PATJ: variants seen among roughly 807,000 people sequenced by gnomAD.
PATJ encodes the protein PATJ crumbs cell polarity complex component.
A neutral mutation model predicts 224.9 loss-of-function variants in PATJ; 190 were observed. That is an observed-to-expected ratio of 0.84 (90% CI 0.75 to 0.95). The LOEUF is 0.95. Ranked by LOEUF, PATJ falls within the 40% of genes least tolerant of loss-of-function variation. PATJ has a pLI of 0.00. For synonymous variants in PATJ, 769 were observed against 820.3 expected (o/e 0.94, Z 1.07); for missense variants, 2,121 against 2,270.3 (o/e 0.93, Z 1.34).
chr1:62,088,021 A>G (rs1364641502), intron 33 of PATJ, among the ~76,000 whole-genome samples: 1 of 149,420 alleles, frequency 6.7e-6, no homozygotes, highest in Non-Finnish European at 1.5e-5. Context: ...CCTCCTGAGT[A>G]GCTGGGATTA....
chr1:61,751,418 G>C (rs953607647), intron 1 of PATJ, among the ~76,000 whole-genome samples: 2 of 152,208 alleles, frequency 1.3e-5, no homozygotes, highest in Admixed American at 1.3e-4. Flanking sequence ...TGAATGCCCA[G>C]GTCTTTTTAG....
chr1:62,064,800 C>T (rs1319433425), intron 31 of PATJ, among the ~76,000 whole-genome samples: 1 of 152,130 alleles, frequency 6.6e-6, no homozygotes, highest in African/African-American at 2.4e-5. Context: ...TCAATTTTTA[C>T]CCCCAATTTG....
intron 21 of PATJ, among the ~76,000 whole-genome samples, chr1:61,881,411 T>A (rs12062724): frequency 0.074 from 7,938 of 107,738 alleles, 398 homozygotes; most frequent in East Asian, 0.39. Flanking sequence ...ACAGTTATTT[T>A]TTTTTTTTTT....
At position 61,861,655 on chromosome 1, in the gene PATJ, C is replaced by T. The variant is rs1362579202; in HGVS notation, c.2427C>T (p.Leu809=). The part of the protein sequence containing the change: ...TIHDINSSLI[L]EAPKGFRDEP... ...ATGATATAAATTCATCTTTAATACTCGAAGCACCCAAGGTATTTAATAAAT... is the reference window on the plus strand; with the variant it reads ...ATGATATAAATTCATCTTTAATACTTGAAGCACCCAAGGTATTTAATAAAT... Residue 809 remains leucine, a synonymous_variant, in exon 19 of 44, where the codon CTC becomes CTT. Coordinates refer to ENST00000642238, the MANE Select transcript of PATJ (RefSeq NM_001350145.3). 1.2e-5 allele frequency: 17 copies of T among 1,378,882 alleles called. No individual in the cohort carries two copies. The highest frequency in any genetic ancestry group is 2.9e-5 in the South Asian group (2 of 67,884). 85.4% of individuals were successfully genotyped at this position (1,378,882 alleles called of 1,614,324 possible).
intron 20 of PATJ, among the ~76,000 whole-genome samples, chr1:61,870,402 A>G (rs1013496848): frequency 6.6e-5 from 10 of 152,118 alleles, no homozygotes; most frequent in Non-Finnish European, 1.5e-4. Flanking sequence ...AGCTGAGTCT[A>G]GGGTCTTTAT....
chr1:62,084,745 C>A, intron 33 of PATJ, 97 bp downstream of exon 33: 2 of 1,203,528 alleles, frequency 1.7e-6, no homozygotes, highest in Non-Finnish European at 2.4e-6. Flanking sequence ...TTGCCTTTTT[C>A]ATAGTATGAG....
chr1:61,771,731 T>C, intron 6 of PATJ, 105 bp downstream of exon 6: 1 of 882,242 alleles, frequency 1.1e-6, no homozygotes, highest in Admixed American at 3.7e-5. Context: ...TTCCTTTTTT[T>C]TTTTTGAGAT....
intron 21 of PATJ, among the ~76,000 whole-genome samples, chr1:61,878,932 T>A (rs1667719863): frequency 6.6e-6 from 1 of 151,908 alleles, no homozygotes; most frequent in Non-Finnish European, 1.5e-5. Context: ...TACAGGCGTG[T>A]GCCACCACAC....
intron 33 of PATJ, among the ~76,000 whole-genome samples, chr1:62,097,709 AT>A (rs1661564499): frequency 6.6e-6 from 1 of 152,224 alleles, no homozygotes; most frequent in Admixed American, 6.5e-5. Context: ...AACCCATAGA[AT>A]TGTAAACAAA....
chr1:61,779,658 G>A (rs139882830), intron 7 of PATJ, among the ~76,000 whole-genome samples: 4 of 152,206 alleles, frequency 2.6e-5, no homozygotes, highest in Non-Finnish European at 4.4e-5. Flanking sequence ...GCAGATTCCC[G>A]TACTACTTTG....
intron 7 of PATJ, among the ~76,000 whole-genome samples, chr1:61,780,022 C>T (rs1176937585): frequency 6.6e-6 from 1 of 152,178 alleles, no homozygotes; most frequent in Non-Finnish European, 1.5e-5. Context: ...ATGAGGGATT[C>T]ACCCCCATGA....
At chr1:61,788,155 A>G (rs1648986256) in intron 8 of PATJ, among the ~76,000 whole-genome samples, 183 bp downstream of exon 8, 1 of 151,932 alleles carries the variant, frequency 6.6e-6, no homozygotes, top group East Asian at 1.9e-4. Context: ...ACTGTTTCTC[A>G]GGGTTAAGTC....
At chr1:61,958,893 T>C (rs918009951) in intron 27 of PATJ, among the ~76,000 whole-genome samples, 7 of 152,206 alleles carry the variant, frequency 4.6e-5, no homozygotes, top group Non-Finnish European at 1.0e-4. Flanking sequence ...GGAGTGGATG[T>C]TCTGTTTTGT....
At chr1:62,104,231 G>C (rs959342148) in intron 33 of PATJ, among the ~76,000 whole-genome samples, 1 of 151,824 alleles carries the variant, frequency 6.6e-6, no homozygotes, top group African/African-American at 2.4e-5. Context: ...GATGAGATAA[G>C]CATCATATGC....
Position 61,769,325 on chromosome 1 carries a change from G to A in PATJ, c.427G>A (p.Gly143Arg), listed in dbSNP as rs760533822. The A allele has an allele frequency of 1.2e-6, 2 of 1,613,830 alleles. No individual in the cohort carries two copies. The highest frequency in any genetic ancestry group is 1.1e-5 in the South Asian group (1 of 91,030). ...TATAGATATAGAACGGCCTTCAACT[G>A]GAGGCCTTGGATTCAGTGTGGTGGC... Reference protein sequence around the residue: ...EYIDIERPSTGGLGFSVVALR... With the variant: ...EYIDIERPSTRGLGFSVVALR... Residue 143 changes from glycine to arginine, a missense_variant, in exon 5 of 44, where the codon GGA (glycine) becomes AGA (arginine). Transcript: ENST00000642238.
At chr1:62,097,716 A>G (rs1661565414) in intron 33 of PATJ, among the ~76,000 whole-genome samples, 1 of 152,222 alleles carries the variant, frequency 6.6e-6, no homozygotes. Context: ...AGAATTGTAA[A>G]CAAATAAATA....
intron 24 of PATJ, among the ~76,000 whole-genome samples, chr1:61,907,467 C>A (rs1041248147): frequency 2.6e-5 from 4 of 152,210 alleles, no homozygotes; most frequent in African/African-American, 9.6e-5. Context: ...CAGTAGGAAT[C>A]ATTTCCTCTT....
At chr1:61,894,358 A>G (rs1670063767) in intron 22 of PATJ, among the ~76,000 whole-genome samples, 1 of 152,192 alleles carries the variant, frequency 6.6e-6, no homozygotes, top group South Asian at 2.1e-4. Flanking sequence ...ACAAGGTACA[A>G]TCTGATATGG....
At chr1:61,791,241 C>A in intron 8 of PATJ, 107 bp from the exon 9 acceptor site, 1 of 589,176 alleles carries the variant, frequency 1.7e-6, no homozygotes, top group Non-Finnish European at 3.0e-6. Context: ...TAAAATTCTG[C>A]CTGCCATAGA....
Sources: gnomAD v4.1 joint callset for allele counts (sites outside exome capture counted in the v4.1 genomes callset) on GRCh38, gnomAD v4.1.1 for gene constraint, MANE v1.5 for transcripts, NCBI Gene and HGNC (gene_info 2026-07-23, HGNC 2026-07-21) for gene names.